The following KDM4A variants were observed in gnomAD, a reference collection of about 807,000 sequenced individuals.
KDM4A encodes lysine demethylase 4A.
A neutral mutation model predicts 127.1 loss-of-function variants in KDM4A; 23 were observed. The ratio of observed to expected loss-of-function variants is 0.18; its 90% CI spans 0.13 to 0.26. The LOEUF is 0.26. Among genes scored for constraint, KDM4A ranks in the 10% least tolerant of loss-of-function variants. The pLI, the probability that KDM4A is intolerant of heterozygous loss-of-function variation, is 1.00. For synonymous variants in KDM4A, 443 were observed against 466.5 expected (o/e 0.95, Z 0.65); for missense variants, 890 against 1,329.1 (o/e 0.67, Z 5.14).
At chr1:43,684,931 C>T (rs1318825618) in intron 12 of KDM4A, among the ~76,000 whole-genome samples, 1 of 152,106 alleles carries the variant, frequency 6.6e-6, no homozygotes, top group African/African-American at 2.4e-5. Flanking sequence ...TGGTGACTGG[C>T]TGTGAAGCTA....
intron 4 of KDM4A, among the ~76,000 whole-genome samples, chr1:43,661,203 G>A (rs951969387): frequency 5.9e-5 from 9 of 151,880 alleles, no homozygotes; most frequent in South Asian, 4.1e-4. Context: ...TTAAACTCCC[G>A]ACCTCAGGTG....
In KDM4A at chr1:43,652,906, AC is replaced by A. The variant is rs543544030; in HGVS notation, c.-39-230del. 2.8e-3 allele frequency among the ~76,000 whole-genome samples: 430 copies of A among 151,460 alleles called. 4 individuals are homozygous for A. The highest frequency in any genetic ancestry group is 0.01 in the African/African-American group (420 of 41,240). ...ACTGTGTTGGCCAGGCTGGTCTCAA[AC>A]TTATGACCTCAGGCGATGCACCCGC... On this transcript the variant is annotated intron_variant, in intron 1 of 21. Transcript: ENST00000372396.
At chr1:43,660,248 C>G (rs1660340584) in intron 3 of KDM4A, 50 bp from the exon 4 acceptor site, 2 of 1,582,346 alleles carry the variant, frequency 1.3e-6, no homozygotes, top group Non-Finnish European at 8.7e-7. Flanking sequence ...TTCATAATGC[C>G]TAATAAACCC....
In KDM4A at chr1:43,662,250, T is replaced by G. The variant is rs147835705; in HGVS notation, c.430-644T>G. On this transcript the variant is annotated intron_variant, in intron 4 of 21. Transcript: ENST00000372396. ...GATTTTTTTTTTTGTGGTCATAGAGTTTTTTTTCTATTTTGACCTAAATTT... is the reference window on the plus strand; with the variant it reads ...GATTTTTTTTTTTGTGGTCATAGAGGTTTTTTTCTATTTTGACCTAAATTT... Among the ~76,000 whole-genome samples the G allele has an allele frequency of 1.4e-3, 206 of 151,454 alleles. 1 individual carries two copies. Among genetic ancestry groups the G allele is most frequent in the African/African-American group, 4.8e-3 (199 of 41,278 alleles).
intron 2 of KDM4A, 125 bp from the exon 3 acceptor site, chr1:43,655,465 TG>T: frequency 1.3e-6 from 1 of 795,458 alleles, no homozygotes; most frequent in Non-Finnish European, 2.0e-6. Context: ...TTGGTGAATG[TG>T]GGTAAATCAA....
intron 1 of KDM4A, among the ~76,000 whole-genome samples, chr1:43,652,805 C>G (rs1490970967): frequency 6.6e-6 from 1 of 151,696 alleles, no homozygotes; most frequent in South Asian, 2.1e-4. Context: ...GCCTCAGCCT[C>G]CCGAGTAGCT....
intron 1 of KDM4A, among the ~76,000 whole-genome samples, chr1:43,651,240 C>T: frequency 6.6e-6 from 1 of 152,186 alleles, no homozygotes; most frequent in East Asian, 1.9e-4. Context: ...AAATAAACTT[C>T]GGGTTTCTCC....
chr1:43,653,143 G>C lies in KDM4A; in HGVS notation c.-33G>C. ...TCTTAATGTGTTTCTTCAGATTCCT[G>C]TCTGACTAAAGGGACCTCAAAAAGG... On this transcript the variant is annotated 5_prime_UTR_variant, in exon 2 of 22. Coordinates refer to ENST00000372396, the MANE Select transcript of KDM4A (RefSeq NM_014663.3). 6.3e-7 allele frequency: 1 copy of C among 1,575,780 alleles called. No individual in the cohort carries two copies. The highest frequency in any genetic ancestry group is 8.6e-7 in the Non-Finnish European group (1 of 1,159,842).
chr1:43,660,883 T>G (rs1184698055), intron 4 of KDM4A, among the ~76,000 whole-genome samples: 1 of 152,138 alleles, frequency 6.6e-6, no homozygotes, highest in Non-Finnish European at 1.5e-5. Context: ...GCCTTAAATA[T>G]GGTGAAAGGG....
At chr1:43,668,214 C>T (rs1156873072) in intron 9 of KDM4A, among the ~76,000 whole-genome samples, 195 bp downstream of exon 9, 1 of 152,160 alleles carries the variant, frequency 6.6e-6, no homozygotes, top group Non-Finnish European at 1.5e-5. Context: ...CAAGCCCCGC[C>T]TCCCGGGTTC....
At chr1:43,702,901 C>T (rs991226407) in intron 19 of KDM4A, among the ~76,000 whole-genome samples, 4 of 151,908 alleles carry the variant, frequency 2.6e-5, no homozygotes, top group Admixed American at 2.6e-4. Flanking sequence ...CATGGTGGCA[C>T]GTGCCTGTTG....
At chr1:43,672,018 T>C in intron 11 of KDM4A, 143 bp downstream of exon 11, 1 of 892,388 alleles carries the variant, frequency 1.1e-6, no homozygotes, top group Non-Finnish European at 1.5e-6. Context: ...TCAGTGCCTC[T>C]AGCCAGCAGT....
chr1:43,656,915 A>G (rs564679520), intron 3 of KDM4A, among the ~76,000 whole-genome samples: 13 of 151,570 alleles, frequency 8.6e-5, no homozygotes, highest in Admixed American at 8.5e-4. Context: ...TTTTTAGTAG[A>G]GACGGGGTTT....
At chr1:43,699,267 TAA>T (rs1473081062) in intron 19 of KDM4A, among the ~76,000 whole-genome samples, 1 of 152,096 alleles carries the variant, frequency 6.6e-6, no homozygotes, top group South Asian at 2.1e-4. Context: ...GGCTAATTTT[TAA>T]ATTTTTTGTA....
chr1:43,654,435 G>A (rs142147659), intron 2 of KDM4A, among the ~76,000 whole-genome samples: 476 of 151,314 alleles, frequency 3.1e-3, no homozygotes, highest in Admixed American at 5.1e-3. Flanking sequence ...ATACATTCCT[G>A]TGTTGGTTCG....
rs905162589 is a variant in KDM4A, at chr1:43,705,401, C to G, written c.*1031C>G. 3 of 152,606 alleles carry G rather than the reference C, an allele frequency of 2.0e-5. No individual in the cohort carries two copies. The highest frequency in any genetic ancestry group is 7.2e-5 in the African/African-American group (3 of 41,436). The allele number at this position is 152,606 out of a possible 1,614,324, so 9.5% of individuals were successfully genotyped here. A position where few individuals can be genotyped will look rare whatever the true frequency, so the allele number is the denominator to read the frequency against. On this transcript the variant is annotated 3_prime_UTR_variant, in exon 22 of 22. Transcript: ENST00000372396. ...GCTTCACACCAATACCCTGTGTATA[C>G]AAGAATCAGATTTATAATACTTCCC...
chr1:43,665,559 T>C (rs899335816), intron 5 of KDM4A, 137 bp from the exon 6 acceptor site: 2 of 704,180 alleles, frequency 2.8e-6, no homozygotes, highest in Non-Finnish European at 5.0e-6. Context: ...AATATTTCAT[T>C]TTTTCAGATT....
chr1:43,689,759 G>A (rs942942896), intron 13 of KDM4A, among the ~76,000 whole-genome samples: 4 of 152,328 alleles, frequency 2.6e-5, no homozygotes, highest in African/African-American at 9.6e-5. Context: ...TAGCAGGTAG[G>A]TAAGTGGTCC....
At chr1:43,663,333 G>A (rs1660426826) in intron 5 of KDM4A, among the ~76,000 whole-genome samples, 1 of 152,130 alleles carries the variant, frequency 6.6e-6, no homozygotes, top group East Asian at 1.9e-4. Context: ...CAAAGACACG[G>A]GGGCTCTTCC....
Sources: allele counts gnomAD v4.1 joint callset (sites outside exome capture counted in the v4.1 genomes callset), GRCh38; gene constraint gnomAD v4.1.1; transcripts MANE v1.5; gene names NCBI Gene and HGNC (gene_info 2026-07-23, HGNC 2026-07-21).